Variants in DLG2 observed in about 807,000 individuals in gnomAD.
DLG2 encodes disks large homolog 2.
Under a neutral mutation model 132.5 loss-of-function variants are expected in DLG2, and 45 were observed. That is an observed-to-expected ratio of 0.34 (90% CI 0.27 to 0.44). The LOEUF is 0.44. Among genes scored for constraint, DLG2 ranks in the 20% least tolerant of loss-of-function variants. The probability of loss-of-function intolerance (pLI) is 1.00; values close to 1 mark genes in which losing one functional copy is unlikely to be tolerated. For missense variants in DLG2, 1,045 were observed against 1,196.9 expected (o/e 0.87, Z 1.87); for synonymous variants, 424 against 419.6 (o/e 1.01, Z -0.13).
intron 6 of DLG2, among the ~76,000 whole-genome samples, chr11:84,899,973 A>T (rs2090691692): frequency 6.6e-6 from 1 of 152,068 alleles, no homozygotes; most frequent in African/African-American, 2.4e-5. Flanking sequence ...GAGTTAATGC[A>T]GCATCTAGTG....
chr11:83,997,730 C>CAAA lies in DLG2; in HGVS notation c.920-17091_920-17089dup, dbSNP rs71066079. 1.7e-3 allele frequency among the ~76,000 whole-genome samples: 42 copies of CAAA among 24,802 alleles called. 8 individuals carry two copies. The highest frequency in any genetic ancestry group is 2.6e-3 in the Non-Finnish European group (38 of 14,498). The allele number at this position is 24,802 out of a possible 152,430, so 16.3% of individuals were successfully genotyped here. ...TGGGTGACAGAGCAAGACTCCATCT[C>CAAA]AAAAAAAAAAAAAAAAAAAAAAAAA... is the stretch of plus-strand genomic sequence containing the variant. On this transcript the variant is annotated intron_variant, in intron 11 of 27. Coordinates refer to ENST00000376104, the MANE Select transcript of DLG2 (RefSeq NM_001142699.3).
chr11:85,002,365 G>C (rs898115725), intron 6 of DLG2, among the ~76,000 whole-genome samples: 1 of 152,076 alleles, frequency 6.6e-6, no homozygotes, highest in Non-Finnish European at 1.5e-5. Context: ...GAAGAAATGA[G>C]GAACCAAGCT....
intron 4 of DLG2, among the ~76,000 whole-genome samples, chr11:85,158,334 T>G (rs749375623): frequency 8.5e-5 from 13 of 152,262 alleles, no homozygotes; most frequent in Non-Finnish European, 1.5e-4. Flanking sequence ...TGTAATAATT[T>G]GTTTGTTTAG....
intron 21 of DLG2, among the ~76,000 whole-genome samples, chr11:83,496,142 C>A: frequency 6.8e-6 from 1 of 147,780 alleles, no homozygotes; most frequent in Non-Finnish European, 1.5e-5. Context: ...ATAGAAAAAC[C>A]AATAAAAAAT....
intron 3 of DLG2, among the ~76,000 whole-genome samples, chr11:85,429,389 A>T (rs1394176452): frequency 2.6e-5 from 4 of 152,186 alleles, no homozygotes; most frequent in Admixed American, 6.5e-5. Flanking sequence ...GAGCTTCTGC[A>T]CGGCAAAAGA....
At chr11:84,494,181 A>C (rs2154498895) in intron 7 of DLG2, among the ~76,000 whole-genome samples, 1 of 152,292 alleles carries the variant, frequency 6.6e-6, no homozygotes, top group South Asian at 2.1e-4. Context: ...CCTTTACAAA[A>C]GGCAAACATT....
intron 16 of DLG2, among the ~76,000 whole-genome samples, chr11:83,856,325 T>C (rs752386981): frequency 6.6e-6 from 1 of 152,154 alleles, no homozygotes; most frequent in South Asian, 2.1e-4. Flanking sequence ...ATAGAACAAT[T>C]TATATTCCTT....
At chr11:85,177,290 C>T (rs201734445) in intron 4 of DLG2, among the ~76,000 whole-genome samples, 26,056 of 146,518 alleles carry the variant, frequency 0.18, 2,866 homozygotes, top group East Asian at 0.37. Context: ...TACATATACA[C>T]ACACACACAC....
chr11:83,969,847 A>T (rs2090980159), intron 12 of DLG2, among the ~76,000 whole-genome samples: 2 of 152,102 alleles, frequency 1.3e-5, no homozygotes, highest in Non-Finnish European at 2.9e-5. Context: ...TGCTGGGATT[A>T]CAGGCGTGAG....
chr11:85,467,864 G>A (rs1468828203), intron 3 of DLG2, among the ~76,000 whole-genome samples: 2 of 152,146 alleles, frequency 1.3e-5, no homozygotes, highest in African/African-American at 2.4e-5. Context: ...TCTACTCATT[G>A]GAATAATTTC....
intron 3 of DLG2, among the ~76,000 whole-genome samples, chr11:85,543,859 G>C (rs189305289): frequency 6.6e-6 from 1 of 151,478 alleles, no homozygotes; most frequent in Non-Finnish European, 1.5e-5. Context: ...TTGTAAATTT[G>C]TTTAAGTTCT....
At chr11:84,235,321 T>C (rs776244552) in intron 8 of DLG2, among the ~76,000 whole-genome samples, 2 of 152,226 alleles carry the variant, frequency 1.3e-5, no homozygotes, top group Non-Finnish European at 2.9e-5. Context: ...CCTGGAGCTG[T>C]ATCGAGGGCC....
intron 9 of DLG2, among the ~76,000 whole-genome samples, chr11:84,136,826 C>G (rs2094619431): frequency 6.6e-6 from 1 of 152,070 alleles, no homozygotes; most frequent in African/African-American, 2.4e-5. Context: ...ACAGGAGATT[C>G]ATTTGCTGGG....
intron 3 of DLG2, among the ~76,000 whole-genome samples, chr11:85,503,105 C>T (rs969498271): frequency 6.6e-6 from 1 of 152,046 alleles, no homozygotes; most frequent in African/African-American, 2.4e-5. Context: ...ATTTATATAA[C>T]ATTCATAAAC....
At chr11:84,968,363 G>A (rs987046985) in intron 6 of DLG2, among the ~76,000 whole-genome samples, 2 of 152,102 alleles carry the variant, frequency 1.3e-5, no homozygotes, top group African/African-American at 4.8e-5. Context: ...TCTGTGTGGG[G>A]AGTGGTTCTT....
intron 3 of DLG2, among the ~76,000 whole-genome samples, chr11:85,412,783 A>G (rs972977022): frequency 1.3e-5 from 2 of 148,946 alleles, no homozygotes; most frequent in Non-Finnish European, 3.0e-5. Flanking sequence ...ATATATATAT[A>G]TATCACAGTT....
At chr11:85,170,122 A>C (rs992131180) in intron 4 of DLG2, among the ~76,000 whole-genome samples, 1 of 152,156 alleles carries the variant, frequency 6.6e-6, no homozygotes, top group Non-Finnish European at 1.5e-5. Flanking sequence ...AGATCCAAAG[A>C]CCCAAGGAAA....
intron 18 of DLG2, among the ~76,000 whole-genome samples, chr11:83,785,922 C>G (rs2095038759): frequency 6.6e-6 from 1 of 152,168 alleles, no homozygotes; most frequent in South Asian, 2.1e-4. Context: ...AGCCATTTTC[C>G]TCTTCTTTTT....
intron 8 of DLG2, among the ~76,000 whole-genome samples, chr11:84,194,935 C>T (rs902796071): frequency 2.0e-5 from 3 of 152,314 alleles, no homozygotes; most frequent in Middle Eastern, 6.8e-3. Context: ...TCGTCCTGGC[C>T]GCGTGCAGCC....
Sources: allele counts gnomAD v4.1 joint callset (sites outside exome capture counted in the v4.1 genomes callset), GRCh38; gene constraint gnomAD v4.1.1; transcripts MANE v1.5; gene names NCBI Gene and HGNC (gene_info 2026-07-23, HGNC 2026-07-21).